Variants in LEF1 observed in about 807,000 individuals in gnomAD.
The protein encoded by LEF1 is lymphoid enhancer binding factor 1, also known as lymphoid enhancer-binding factor 1.
LEF1 carries 14 observed loss-of-function variants against 51.2 expected under a neutral mutation model. The observed-to-expected ratio is 0.27, with a 90% CI of 0.18 to 0.43. LEF1 has a LOEUF of 0.43. LEF1 is among the 20% of genes least tolerant of loss of function. The pLI, the probability that LEF1 is intolerant of heterozygous loss-of-function variation, is 1.00. For synonymous variants in LEF1, 185 were observed against 183.2 expected (o/e 1.01, Z -0.08); for missense variants, 386 against 512.0 (o/e 0.75, Z 2.37).
Position 108,049,042 on chromosome 4 carries a change from T to C in LEF1, c.*7-291A>G, listed in dbSNP as rs1043112338. Among the ~76,000 whole-genome samples the C allele has an allele frequency of 2.6e-5, 4 of 152,286 alleles. 1 individual carries two copies. The highest frequency in any genetic ancestry group is 7.2e-5 in the African/African-American group (3 of 41,568). ...ATGGTAAACAGAACAAAAAAAAAGT[T>C]TGAAAAACACCAGTAGGAAACAGGC... On this transcript the variant is annotated intron_variant, in intron 11 of 11. Coordinates refer to ENST00000265165, the MANE Select transcript of LEF1 (RefSeq NM_016269.5).
At chr4:108,082,783 A>G (rs1253190100) in intron 5 of LEF1, among the ~76,000 whole-genome samples, 1 of 152,244 alleles carries the variant, frequency 6.6e-6, no homozygotes, top group East Asian at 1.9e-4. Flanking sequence ...TATTTTTAGA[A>G]ATAAACAACA....
chr4:108,063,043 GT>G (rs1737804564), intron 11 of LEF1, among the ~76,000 whole-genome samples: 1 of 152,112 alleles, frequency 6.6e-6, no homozygotes, highest in South Asian at 2.1e-4. Flanking sequence ...TCTAGCAATA[GT>G]TACCAATAAA....
At chr4:108,118,714 CA>C (rs1741984054) in intron 3 of LEF1, among the ~76,000 whole-genome samples, 1 of 152,094 alleles carries the variant, frequency 6.6e-6, no homozygotes, top group South Asian at 2.1e-4. Flanking sequence ...TTTAAACAAA[CA>C]GCTGTGGCAG....
rs111874516 is a variant in LEF1, at chr4:108,124,374, AT to A, written c.415-35118del. Among the ~76,000 whole-genome samples, 1,257 of 145,214 alleles carry A rather than the reference AT, an allele frequency of 8.7e-3. 4 individuals carry two copies. The highest frequency in any genetic ancestry group is 0.016 in the African/African-American group (618 of 39,776). Reference sequence around the variant, plus strand: ...ATACCCCTTAAACAGATACATGAACATTTTTTTTTTTTTGAGATGGAATCTT... The same window carrying A: ...ATACCCCTTAAACAGATACATGAACATTTTTTTTTTTTGAGATGGAATCTT... On this transcript the variant is annotated intron_variant, in intron 3 of 11. Transcript: ENST00000265165.
intron 3 of LEF1, among the ~76,000 whole-genome samples, chr4:108,139,900 T>C (rs2110369449): frequency 6.6e-6 from 1 of 152,178 alleles, no homozygotes; most frequent in South Asian, 2.1e-4. Flanking sequence ...TCCAAAAATA[T>C]CTGACATTAC....
intron 9 of LEF1, among the ~76,000 whole-genome samples, chr4:108,068,897 T>G (rs1355533539): frequency 6.6e-6 from 1 of 152,168 alleles, no homozygotes; most frequent in Admixed American, 6.5e-5. Flanking sequence ...AATTTCACTT[T>G]TATTAAGACT....
chr4:108,120,699 T>G, intron 3 of LEF1, among the ~76,000 whole-genome samples: 1 of 152,232 alleles, frequency 6.6e-6, no homozygotes, highest in East Asian at 1.9e-4. Context: ...AAATGTTGGG[T>G]TACTGAGTCA....
chr4:108,051,920 T>G (rs533978062), intron 11 of LEF1, among the ~76,000 whole-genome samples: 1 of 152,100 alleles, frequency 6.6e-6, no homozygotes, highest in African/African-American at 2.4e-5. Flanking sequence ...CCTGGGCCAA[T>G]AGGGCTTTAC....
chr4:108,124,519 G>C (rs1218711325), intron 3 of LEF1, among the ~76,000 whole-genome samples: 7 of 151,926 alleles, frequency 4.6e-5, no homozygotes, highest in African/African-American at 1.7e-4. Context: ...ACAGGTGTAC[G>C]CCACCACACC....
At chr4:108,147,560 T>C (rs1286320141) in intron 3 of LEF1, among the ~76,000 whole-genome samples, 1 of 152,222 alleles carries the variant, frequency 6.6e-6, no homozygotes, top group African/African-American at 2.4e-5. Context: ...TAAAATCTAG[T>C]ACATATAATC....
intron 6 of LEF1, 148 bp from the exon 7 acceptor site, chr4:108,079,762 G>A: frequency 4.4e-6 from 3 of 677,652 alleles, no homozygotes; most frequent in Non-Finnish European, 7.0e-6. Context: ...ATTAGAGTGG[G>A]CCGATAATTA....
In LEF1 at chr4:108,163,562, A is replaced by T; in HGVS notation, c.414+6T>A. 2 of 1,611,830 alleles carry T rather than the reference A, an allele frequency of 1.2e-6. No homozygotes were observed. Reference sequence around the variant, plus strand: ...ACATAATTTGCAACATCAGCATGTTACTTACTGTTCTCGGGATGGGTGGAG... The same window carrying T: ...ACATAATTTGCAACATCAGCATGTTTCTTACTGTTCTCGGGATGGGTGGAG... On this transcript the variant is annotated splice_donor_region_variant and intron_variant, in intron 3 of 11. Coordinates refer to ENST00000265165, the MANE Select transcript of LEF1 (RefSeq NM_016269.5).
intron 1 of LEF1, 153 bp from the exon 2 acceptor site, chr4:108,165,316 A>G: frequency 3.1e-6 from 2 of 643,672 alleles, no homozygotes; most frequent in Admixed American, 2.7e-5. Flanking sequence ...AGTGTTTAGT[A>G]CTGCATAATC....
chr4:108,048,433 G>T lies in LEF1; in HGVS notation c.*325C>A, dbSNP rs1442743811. 6 of 339,548 alleles carry T rather than the reference G, an allele frequency of 1.8e-5. No individual in the cohort carries two copies. Among genetic ancestry groups the T allele is most frequent in the Non-Finnish European group, 3.2e-5 (6 of 187,540 alleles). The allele number at this position is 339,548 out of a possible 1,614,324, so 21.0% of individuals were successfully genotyped here. ...TGCTCTGGGAAGTGCACGCAGATAT[G>T]AGGGGAGAAAAGCTGCTCAGCTGCC... On this transcript the variant is annotated 3_prime_UTR_variant, in exon 12 of 12. Transcript: ENST00000265165.
In LEF1 at chr4:108,167,351, TACACACACACACACACACACAC is replaced by T. The variant is rs35000095; in HGVS notation, c.213+182_213+203del. On this transcript the variant is annotated intron_variant, in intron 1 of 11. Coordinates refer to ENST00000265165, the MANE Select transcript of LEF1 (RefSeq NM_016269.5). The surrounding 1 kb of genome is among the most constrained non-coding windows in gnomAD (Gnocchi z 5.7). ...TACCCTGCCCCTCTACCTCCCATCC[TACACACACACACACACACACAC>T]ACACACACACACACACACACACTGC... 1.8e-4 allele frequency among the ~76,000 whole-genome samples: 24 copies of T among 131,694 alleles called. No homozygotes were observed. The highest frequency in any genetic ancestry group is 2.5e-4 in the Non-Finnish European group (15 of 61,194). 86.4% of individuals were successfully genotyped at this position (131,694 alleles called of 152,430 possible). A position where few individuals can be genotyped will look rare whatever the true frequency, so the allele number is the denominator to read the frequency against.
intron 3 of LEF1, among the ~76,000 whole-genome samples, chr4:108,122,369 T>C: frequency 6.6e-6 from 1 of 152,344 alleles, no homozygotes; most frequent in East Asian, 1.9e-4. Flanking sequence ...GGCGTATTTT[T>C]TTCATACCTT....
intron 3 of LEF1, among the ~76,000 whole-genome samples, chr4:108,097,226 G>C (rs1167403109): frequency 6.6e-6 from 1 of 152,134 alleles, no homozygotes; most frequent in Non-Finnish European, 1.5e-5. Context: ...AGAAAATGTG[G>C]TATATACCCA....
intron 3 of LEF1, among the ~76,000 whole-genome samples, chr4:108,159,461 A>C (rs968866602): frequency 2.0e-5 from 3 of 152,246 alleles, no homozygotes; most frequent in Non-Finnish European, 4.4e-5. Flanking sequence ...AGCTTCTTGC[A>C]ATAAAGTGAA....
At chr4:108,074,603 C>T (rs777433969) in intron 8 of LEF1, among the ~76,000 whole-genome samples, 5 of 152,126 alleles carry the variant, frequency 3.3e-5, no homozygotes, top group African/African-American at 9.7e-5. Context: ...CAGTGTAAAA[C>T]GTCATGATTT....
Sources: allele counts gnomAD v4.1 joint callset (sites outside exome capture counted in the v4.1 genomes callset), GRCh38; gene constraint gnomAD v4.1.1; non-coding constraint Gnocchi (gnomAD v3.1); transcripts MANE v1.5; gene names NCBI Gene and HGNC (gene_info 2026-07-23, HGNC 2026-07-21).